The following GOLM2 variants were observed in gnomAD, a reference collection of about 807,000 sequenced individuals.
The protein encoded by GOLM2 is golgi membrane protein 2.
A neutral mutation model predicts 55.9 loss-of-function variants in GOLM2; 26 were observed. The observed-to-expected ratio is 0.47, with a 90% CI of 0.34 to 0.65. The LOEUF is 0.65. Among genes scored for constraint, GOLM2 ranks in the 30% least tolerant of loss-of-function variants. GOLM2 has a pLI of 0.01. For missense variants in GOLM2, 486 were observed against 531.8 expected, an observed-to-expected ratio of 0.91 and a Z score of 0.85; for synonymous variants, 165 against 194.6, an observed-to-expected ratio of 0.85 and a Z score of 1.27.
chr15:44,349,934 T>C (rs569796629), intron 6 of GOLM2, among the ~76,000 whole-genome samples: 79 of 152,260 alleles, frequency 5.2e-4, no homozygotes, highest in Non-Finnish European at 9.3e-4. Flanking sequence ...TTGAAAAATA[T>C]CTTGAAACAA....
At chr15:44,303,116 A>G (rs2078811002) in intron 1 of GOLM2, among the ~76,000 whole-genome samples, 1 of 151,738 alleles carries the variant, frequency 6.6e-6, no homozygotes, top group Non-Finnish European at 1.5e-5. Flanking sequence ...AAATAAATAA[A>G]TAAATAAATA....
intron 1 of GOLM2, among the ~76,000 whole-genome samples, chr15:44,295,710 A>G (rs964384411): frequency 6.6e-6 from 1 of 152,182 alleles, no homozygotes; most frequent in Non-Finnish European, 1.5e-5. Flanking sequence ...GTGACATGAT[A>G]GTCCCTCTGT....
In GOLM2 at chr15:44,380,809, C is replaced by T; in HGVS notation, c.905C>T (p.Ser302Leu). The T allele has an allele frequency of 6.7e-7, 1 of 1,502,574 alleles. No individual in the cohort carries two copies. The highest frequency in any genetic ancestry group is 2.4e-5 in the East Asian group (1 of 42,014). The allele number at this position is 1,502,574 out of a possible 1,614,324, so 93.1% of individuals were successfully genotyped here. Residue 302 changes from serine (S) to leucine (L), a missense_variant, in exon 8 of 10, where the codon TCA becomes TTA. Coordinates refer to ENST00000299957, the MANE Select transcript of GOLM2 (RefSeq NM_138423.4). ...QPLSPNMPPD[S>L]HINHNGNPGT... ...ATTTGATGTTTTTATGCCACAGATTCACACATAAACCACAATGGAAACCCC... is the reference window on the plus strand; with the variant it reads ...ATTTGATGTTTTTATGCCACAGATTTACACATAAACCACAATGGAAACCCC...
chr15:44,411,808 G>A (rs987730086), intron 9 of GOLM2, among the ~76,000 whole-genome samples: 7 of 136,958 alleles, frequency 5.1e-5, no homozygotes, highest in South Asian at 2.3e-4. Context: ...CAGCCTGGGC[G>A]ACAGAATGAG....
chr15:44,379,463 G>A (rs1003088602), intron 6 of GOLM2, among the ~76,000 whole-genome samples: 10 of 151,898 alleles, frequency 6.6e-5, no homozygotes, highest in Non-Finnish European at 2.9e-5. Context: ...GGGAGACAGG[G>A]CAAGACTCTG....
chr15:44,384,004 T>C (rs2079423322), intron 8 of GOLM2, among the ~76,000 whole-genome samples: 1 of 152,144 alleles, frequency 6.6e-6, no homozygotes, highest in Admixed American at 6.6e-5. Context: ...TATAGATAAT[T>C]CAGATTTATC....
rs983175238 is a variant in GOLM2 at position 44,413,956 on chromosome 15, A to T, written c.*550A>T. 3.3e-5 allele frequency: 5 copies of T among 152,104 alleles called. No individual in the cohort carries two copies. Among genetic ancestry groups the T allele is most frequent in the African/African-American group, 9.7e-5 (4 of 41,392 alleles). The allele number at this position is 152,104 out of a possible 1,614,324, so 9.4% of individuals were successfully genotyped here. A position where few individuals can be genotyped will look rare whatever the true frequency, so the allele number is the denominator to read the frequency against. ...CTCCCAAGTAGCTGGGATTACAGGCACCCACCACCATGCCCAGCTAATTTT... is the reference window on the plus strand; with the variant it reads ...CTCCCAAGTAGCTGGGATTACAGGCTCCCACCACCATGCCCAGCTAATTTT... On this transcript the variant is annotated 3_prime_UTR_variant, in exon 10 of 10. Coordinates refer to ENST00000299957, the MANE Select transcript of GOLM2 (RefSeq NM_138423.4).
At chr15:44,365,932 C>T (rs1351649509) in intron 6 of GOLM2, among the ~76,000 whole-genome samples, 1 of 152,138 alleles carries the variant, frequency 6.6e-6, no homozygotes, top group Non-Finnish European at 1.5e-5. Flanking sequence ...CTATCCATGG[C>T]CATGTATGGG....
chr15:44,337,387 CAT>C (rs1452931072), intron 4 of GOLM2, among the ~76,000 whole-genome samples: 1 of 151,888 alleles, frequency 6.6e-6, no homozygotes, highest in African/African-American at 2.4e-5. Context: ...TTGGTTCTAA[CAT>C]ATGCTTACAG....
intron 6 of GOLM2, among the ~76,000 whole-genome samples, chr15:44,343,585 G>A (rs955352888): frequency 2.0e-5 from 3 of 152,004 alleles, no homozygotes; most frequent in African/African-American, 7.2e-5. Flanking sequence ...CAGCACTTTA[G>A]GAGGCTGAGG....
chr15:44,362,167 C>T (rs2079245240), intron 6 of GOLM2, among the ~76,000 whole-genome samples: 2 of 149,464 alleles, frequency 1.3e-5, no homozygotes, highest in African/African-American at 4.9e-5. Context: ...CACTCCTATT[C>T]AACATAGTGT....
At chr15:44,308,479 G>T (rs777982334) in intron 1 of GOLM2, 5 of 152,110 alleles carry the variant, frequency 3.3e-5, no homozygotes, top group Non-Finnish European at 7.3e-5. Flanking sequence ...GAACACTTGA[G>T]TTCTTCCCCT....
intron 8 of GOLM2, among the ~76,000 whole-genome samples, chr15:44,393,724 G>A (rs532030235): frequency 6.6e-6 from 1 of 152,000 alleles, no homozygotes; most frequent in South Asian, 2.1e-4. Context: ...ACATTCAAGC[G>A]TTTGTCGCCC....
At chr15:44,338,389 C>A (rs534167899) in intron 6 of GOLM2, 72 bp downstream of exon 6, 83 of 1,155,204 alleles carry the variant, frequency 7.2e-5, no homozygotes, top group Non-Finnish European at 1.0e-4. Flanking sequence ...TTCTCTTTTT[C>A]GGTAACACTT....
At chr15:44,357,129 A>G (rs561921034) in intron 6 of GOLM2, among the ~76,000 whole-genome samples, 1 of 152,186 alleles carries the variant, frequency 6.6e-6, no homozygotes, top group African/African-American at 2.4e-5. Context: ...CCAAGATCAC[A>G]TCATTGCCTA....
At chr15:44,369,206 ATGTG>A (rs551489001) in intron 6 of GOLM2, among the ~76,000 whole-genome samples, 2,517 of 110,176 alleles carry the variant, frequency 0.023, 33 homozygotes, top group East Asian at 0.048. Flanking sequence ...ATATATATAT[ATGTG>A]TGTGTGTGTG....
rs141661510 is a variant in GOLM2 at position 44,327,292 on chromosome 15, C to A, written c.383-1393C>A. Among the ~76,000 whole-genome samples, 523 of 151,262 alleles carry A rather than the reference C, an allele frequency of 3.5e-3. 3 individuals carry two copies. Among genetic ancestry groups the A allele is most frequent in the African/African-American group, 0.012 (491 of 41,376 alleles). On this transcript the variant is annotated intron_variant, in intron 2 of 9. Transcript: ENST00000299957. ...AAAAACAGCCAGGCATGGTGGCTCACGTCTGTAATCCCAGCACTTTGGGAG... is the reference window on the plus strand; with the variant it reads ...AAAAACAGCCAGGCATGGTGGCTCAAGTCTGTAATCCCAGCACTTTGGGAG...
intron 6 of GOLM2, among the ~76,000 whole-genome samples, chr15:44,369,922 C>T (rs944473720): frequency 1.3e-5 from 2 of 152,022 alleles, no homozygotes; most frequent in Non-Finnish European, 2.9e-5. Flanking sequence ...CATACGATCA[C>T]AAGGTCCCAC....
chr15:44,348,554 C>T (rs1049583253), intron 6 of GOLM2: 2 of 152,214 alleles, frequency 1.3e-5, no homozygotes, highest in Non-Finnish European at 2.9e-5. Context: ...CCCTGGTTCC[C>T]AGACATCATC....
Sources: gnomAD v4.1 joint callset for allele counts (sites outside exome capture counted in the v4.1 genomes callset) on GRCh38, gnomAD v4.1.1 for gene constraint, MANE v1.5 for transcripts, NCBI Gene and HGNC (gene_info 2026-07-23, HGNC 2026-07-21) for gene names.